ARPIN: variants seen among roughly 807,000 people sequenced by gnomAD.
ARPIN encodes the protein actin related protein 2/3 complex inhibitor, also known as UPF0552 protein C15orf38.
In ARPIN, 23 loss-of-function variants were observed where a neutral mutation model predicts 25.9. The ratio of observed to expected loss-of-function variants is 0.89; its 90% confidence interval spans 0.64 to 1.26. The LOEUF is 1.26. Among genes scored for constraint, ARPIN ranks in the 50% most tolerant of loss-of-function variants. The pLI is 0.00. For synonymous variants in ARPIN, 126 were observed against 131.4 expected (o/e 0.96, Z 0.28); for missense variants, 333 against 312.2 (o/e 1.07, Z -0.50).
intron 1 of ARPIN, 167 bp downstream of exon 1, chr15:89,912,577 G>T: frequency 7.4e-7 from 1 of 1,346,704 alleles, no homozygotes; most frequent in Non-Finnish European, 9.5e-7. Context: ...CGGGCGCGGC[G>T]GCAGGGGCGC....
chr15:89,911,770 A>G (rs554280334), intron 1 of ARPIN, among the ~76,000 whole-genome samples: 1 of 152,234 alleles, frequency 6.6e-6, no homozygotes, highest in Admixed American at 6.5e-5. Flanking sequence ...GAAAGTTTGT[A>G]CCTTTGATCA....
Position 89,908,138 on chromosome 15 carries a change from G to A in ARPIN, c.301+142C>T, listed in dbSNP as rs1028945182. The A allele has an allele frequency of 3.7e-6, 5 of 1,359,578 alleles. No homozygotes were observed. In the African/African-American group the frequency reaches 7.3e-5, roughly 20 times the overall value. 84.2% of individuals were successfully genotyped at this position (1,359,578 alleles called of 1,614,324 possible). A position where few individuals can be genotyped will look rare whatever the true frequency, so the allele number is the denominator to read the frequency against. On this transcript the variant is annotated intron_variant, in intron 3 of 5. Coordinates refer to ENST00000357484, the MANE Select transcript of ARPIN (RefSeq NM_182616.4). ...ATGGGAGGCAAGGCCAGGGGTGGAT[G>A]TGGAAGCCTCAGGCCACATACAGGG...
Position 89,899,461 on chromosome 15 carries a change from T to C in ARPIN, c.*2334A>G, listed in dbSNP as rs1896983678. ...GCTAGTTTCAGTTCTCTATACTTCTTAGCCACAGGCTGGGCTCCTGCTAAA... is the reference window on the plus strand; with the variant it reads ...GCTAGTTTCAGTTCTCTATACTTCTCAGCCACAGGCTGGGCTCCTGCTAAA... On this transcript the variant is annotated 3_prime_UTR_variant, in exon 6 of 6. Coordinates refer to ENST00000357484, the MANE Select transcript of ARPIN (RefSeq NM_182616.4). The C allele has an allele frequency of 6.6e-6, 1 of 152,244 alleles. No individual in the cohort carries two copies. The highest frequency in any genetic ancestry group is 1.5e-5 in the Non-Finnish European group (1 of 68,086). 9.4% of individuals were successfully genotyped at this position (152,244 alleles called of 1,614,324 possible).
chr15:89,903,290 T>C lies in ARPIN; in HGVS notation c.598A>G (p.Met200Val), dbSNP rs770680497. Residue 200 changes from methionine to valine, a missense_variant, in exon 5 of 6, where the codon ATG (methionine) becomes GTG (valine). Physicochemically the swap from Met to Val is conservative, Grantham distance 21 (BLOSUM62 1). Transcript: ENST00000357484. ...KTGASWTDNI[M>V]AQKCSKGAAA... Reference sequence around the variant, plus strand: ...GCCCCCTTCGAACACTTTTGGGCCATGATGTTGTCTGTCCAGGATGCCCCT... The same window carrying C: ...GCCCCCTTCGAACACTTTTGGGCCACGATGTTGTCTGTCCAGGATGCCCCT... The C allele has an allele frequency of 5.0e-6, 8 of 1,614,096 alleles. No individual in the cohort carries two copies. Among genetic ancestry groups the C allele is most frequent in the Admixed American group, 1.7e-5 (1 of 59,996 alleles).
Position 89,903,946 on chromosome 15 carries a change from G to A in ARPIN, c.339C>T (p.Pro113=), listed in dbSNP as rs369244237. 1.6e-5 allele frequency: 25 copies of A among 1,610,702 alleles called. No individual in the cohort carries two copies. The African/African-American group carries it at 1.9e-4, about 12-fold the overall frequency. Residue 113 remains proline (P), a synonymous_variant, in exon 4 of 6, where the codon CCC becomes CCT. Transcript: ENST00000357484. ...EAKGDTDRLT[P]EALKGLVNKP... is the part of the protein sequence containing the mutation. The stretch of plus-strand genomic sequence containing the variant: ...TGTTGACCAGCCCCTTCAGCGCCTC[G>A]GGCGTGAGCCTGTCAGTGTCCCCCT...
intron 1 of ARPIN, 78 bp downstream of exon 1, chr15:89,912,663 TCCC>T: frequency 3.4e-6 from 3 of 871,100 alleles, no homozygotes; most frequent in Non-Finnish European, 2.8e-6. Context: ...CCCACCCGCA[TCCC>T]ACCCCCCCAC....
At chr15:89,906,535 G>A (rs887772432) in intron 3 of ARPIN, among the ~76,000 whole-genome samples, 10 of 152,128 alleles carry the variant, frequency 6.6e-5, no homozygotes, top group African/African-American at 2.4e-4. Context: ...CGGGATCCAG[G>A]CCCGGGCCTG....
intron 2 of ARPIN, among the ~76,000 whole-genome samples, chr15:89,910,479 G>T (rs951962464): frequency 6.6e-6 from 1 of 152,178 alleles, no homozygotes; most frequent in African/African-American, 2.4e-5. Context: ...TTAGGGCCTG[G>T]TCTGCCTTCT....
At chr15:89,910,133 G>A (rs142806183) in intron 2 of ARPIN, among the ~76,000 whole-genome samples, 18 of 152,282 alleles carry the variant, frequency 1.2e-4, no homozygotes, top group African/African-American at 4.1e-4. Flanking sequence ...GGTACAGGAG[G>A]GACATGCAGG....
chr15:89,912,442 G>A, intron 1 of ARPIN: 1 of 1,207,344 alleles, frequency 8.3e-7, no homozygotes, highest in Non-Finnish European at 1.0e-6. Flanking sequence ...GGGTGGGGTG[G>A]GGCCGGAGGT....
chr15:89,908,257 G>A, intron 3 of ARPIN, 23 bp downstream of exon 3: 5 of 1,613,752 alleles, frequency 3.1e-6, no homozygotes, highest in Non-Finnish European at 4.2e-6. Context: ...CTGAGGGAGA[G>A]AGGGAGGGCA....
chr15:89,908,435 T>C (rs1596236272), intron 2 of ARPIN, 23 bp from the exon 3 acceptor site: 1 of 1,611,504 alleles, frequency 6.2e-7, no homozygotes, highest in East Asian at 2.2e-5. Context: ...AGACAGAGAG[T>C]GAGGGGGCGG....
At chr15:89,904,037 G>A (rs977609415) in intron 3 of ARPIN, 54 bp from the exon 4 acceptor site, 65 of 1,547,642 alleles carry the variant, frequency 4.2e-5, no homozygotes, top group South Asian at 3.3e-4. Flanking sequence ...AAGAACTTCC[G>A]GAGGGCCTCT....
At chr15:89,905,819 C>T (rs1262931275) in intron 3 of ARPIN, among the ~76,000 whole-genome samples, 2 of 152,018 alleles carry the variant, frequency 1.3e-5, no homozygotes, top group African/African-American at 2.4e-5. Context: ...TAACTGGGTC[C>T]ACTTCCATAG....
In ARPIN at chr15:89,910,774, C is replaced by A. The variant is rs1467133287; in HGVS notation, c.138G>T (p.Arg46=). The A allele has an allele frequency of 6.2e-7, 1 of 1,614,138 alleles. No individual in the cohort carries two copies. Among genetic ancestry groups the A allele is most frequent in the South Asian group, 1.1e-5 (1 of 91,078 alleles). ...TGCCATGAGTGTCCAAGATGCTGTG[C>A]CGAGATACATCGATCAGTTCTCCCT... The part of the protein sequence containing the change: ...LLEGELIDVS[R]HSILDTHGRK... The change falls in exon 2 of 6, where the codon CGG becomes CGT. Residue 46 remains arginine, a synonymous_variant. Transcript: ENST00000357484.
chr15:89,903,420 G>T, intron 4 of ARPIN, 41 bp from the exon 5 acceptor site: 1 of 1,612,170 alleles, frequency 6.2e-7, no homozygotes, highest in Non-Finnish European at 8.5e-7. Context: ...TGTCCCTGTG[G>T]CAGAAACATA....
At chr15:89,912,167 G>C in intron 1 of ARPIN, 1 of 975,350 alleles carries the variant, frequency 1.0e-6, no homozygotes, top group Non-Finnish European at 1.2e-6. Context: ...TTCCATATAC[G>C]AGATCACACA....
At chr15:89,905,396 C>A (rs1419506476) in intron 3 of ARPIN, among the ~76,000 whole-genome samples, 2 of 152,042 alleles carry the variant, frequency 1.3e-5, no homozygotes, top group Non-Finnish European at 2.9e-5. Flanking sequence ...TCTCCTCCTG[C>A]CTCAAGCCAG....
At chr15:89,903,109 T>TG in intron 5 of ARPIN, 107 bp downstream of exon 5, 1 of 1,607,368 alleles carries the variant, frequency 6.2e-7, no homozygotes, top group Non-Finnish European at 8.5e-7. Flanking sequence ...CCACTAAAGC[T>TG]GGGGGGTAAG....
Sources: gnomAD v4.1 joint callset for allele counts (sites outside exome capture counted in the v4.1 genomes callset) on GRCh38, gnomAD v4.1.1 for gene constraint, MANE v1.5 for transcripts, NCBI Gene and HGNC (gene_info 2026-07-23, HGNC 2026-07-21) for gene names.